Variants in GALNT13 observed in about 807,000 individuals in gnomAD.
The protein encoded by GALNT13 is UDP-GalNAc:polypeptide N-acetylgalactosaminyltransferase 13.
GALNT13 carries 28 observed loss-of-function variants against 64.2 expected under a neutral mutation model. That is an observed-to-expected ratio of 0.44 (90% CI 0.32 to 0.60). The LOEUF is 0.60. GALNT13 is among the 20% of genes least tolerant of loss of function. The probability of loss-of-function intolerance (pLI) is 0.05; values close to 1 mark genes in which losing one functional copy is unlikely to be tolerated. For synonymous variants in GALNT13, 214 were observed against 224.6 expected, an observed-to-expected ratio of 0.95 and a Z score of 0.42; for missense variants, 577 against 669.8, an observed-to-expected ratio of 0.86 and a Z score of 1.53.
intron 4 of GALNT13, among the ~76,000 whole-genome samples, chr2:154,166,385 A>G (rs141602313): frequency 1.1e-3 from 162 of 152,364 alleles, no homozygotes; most frequent in African/African-American, 3.7e-3. Flanking sequence ...AGCCTGGGCA[A>G]TGAAGTGAGA....
chr2:154,004,681 C>T (rs1424537614), intron 3 of GALNT13, among the ~76,000 whole-genome samples: 6 of 152,132 alleles, frequency 3.9e-5, no homozygotes, highest in Non-Finnish European at 8.8e-5. Context: ...CCACTAGTGT[C>T]ACAAAAATTG....
At chr2:153,070,652 G>A in the GALNT13 span, among the ~76,000 whole-genome samples, 115,787 of 152,090 alleles carry the variant, frequency 0.76, 46,163 homozygotes, top group East Asian at 0.93. Flanking sequence ...TATTAATTAT[G>A]TATCAAACAA....
the GALNT13 span, among the ~76,000 whole-genome samples, chr2:153,448,007 C>T: frequency 6.6e-6 from 1 of 152,120 alleles, no homozygotes; most frequent in South Asian, 2.1e-4. Context: ...CTGAAAGTAT[C>T]CATTGAGTTA....
chr2:153,964,270 G>A (rs1415756228), intron 3 of GALNT13, among the ~76,000 whole-genome samples: 5 of 152,058 alleles, frequency 3.3e-5, no homozygotes, highest in African/African-American at 9.7e-5. Flanking sequence ...GCAACATGGC[G>A]AAAAGCCATC....
the GALNT13 span, among the ~76,000 whole-genome samples, chr2:153,508,124 G>C: frequency 6.6e-6 from 1 of 152,170 alleles, no homozygotes; most frequent in African/African-American, 2.4e-5. Flanking sequence ...TTTTTGCTTA[G>C]TGTACTGATT....
chr2:153,469,563 G>A, the GALNT13 span, among the ~76,000 whole-genome samples: 17 of 152,194 alleles, frequency 1.1e-4, no homozygotes, highest in East Asian at 3.9e-4. Context: ...ATTTCCATGC[G>A]CATGAGAAAG....
chr2:153,253,148 C>G, the GALNT13 span, among the ~76,000 whole-genome samples: 1 of 151,232 alleles, frequency 6.6e-6, no homozygotes, highest in African/African-American at 2.4e-5. Flanking sequence ...TTTCCTTGAG[C>G]AGTGGTTTGT....
the GALNT13 span, among the ~76,000 whole-genome samples, chr2:153,107,945 A>G: frequency 6.6e-6 from 1 of 152,268 alleles, no homozygotes; most frequent in African/African-American, 2.4e-5. Context: ...TTCCAAAAGA[A>G]CACACTGTCT....
At chr2:153,540,392 G>A in the GALNT13 span, among the ~76,000 whole-genome samples, 24 of 152,230 alleles carry the variant, frequency 1.6e-4, no homozygotes, top group Admixed American at 1.6e-3. Context: ...GAAGTTTGCT[G>A]CAGGGGTGAA....
intron 3 of GALNT13, among the ~76,000 whole-genome samples, chr2:153,994,679 A>AT (rs1695399148): frequency 6.6e-6 from 1 of 152,010 alleles, no homozygotes. Context: ...GATGATGAGC[A>AT]TTTTTTGATG....
the GALNT13 span, among the ~76,000 whole-genome samples, chr2:153,072,543 T>C: frequency 6.6e-6 from 1 of 152,148 alleles, no homozygotes; most frequent in African/African-American, 2.4e-5. Context: ...CAGCTATAAA[T>C]CCTTATGCCT....
At chr2:153,296,796 A>AT in the GALNT13 span, among the ~76,000 whole-genome samples, 96 of 151,858 alleles carry the variant, frequency 6.3e-4, no homozygotes, top group Non-Finnish European at 1.1e-3. Flanking sequence ...TGGATTCTCA[A>AT]TTTTTTTTTA....
At chr2:153,972,351 A>T (rs1691415699) in intron 3 of GALNT13, among the ~76,000 whole-genome samples, 1 of 152,130 alleles carries the variant, frequency 6.6e-6, no homozygotes, top group South Asian at 2.1e-4. Flanking sequence ...CCGGATATTG[A>T]TGTGACACTA....
chr2:153,947,351 T>A (rs1162958515), intron 3 of GALNT13, among the ~76,000 whole-genome samples: 1 of 151,926 alleles, frequency 6.6e-6, no homozygotes, highest in East Asian at 1.9e-4. Flanking sequence ...GTGCGTGTAA[T>A]CATGTGCCAT....
At chr2:153,632,499 CCCTGTGCTCCA>C in the GALNT13 span, among the ~76,000 whole-genome samples, 1 of 152,042 alleles carries the variant, frequency 6.6e-6, no homozygotes, top group Non-Finnish European at 1.5e-5. Context: ...TGAAAAAATC[CCCTGTGCTCCA>C]CCTGTTCATC....
intron 4 of GALNT13, among the ~76,000 whole-genome samples, chr2:154,143,097 T>C (rs750685717): frequency 3.9e-5 from 6 of 152,018 alleles, no homozygotes; most frequent in Non-Finnish European, 7.4e-5. Context: ...AGGTGGTGGA[T>C]TGGGGGTTGG....
chr2:153,911,062 C>T (rs147391891), intron 2 of GALNT13, among the ~76,000 whole-genome samples: 8 of 152,162 alleles, frequency 5.3e-5, no homozygotes, highest in African/African-American at 1.9e-4. Flanking sequence ...TCGAAATTTC[C>T]TTGAAGGTCA....
At chr2:153,466,308 CTG>C in the GALNT13 span, among the ~76,000 whole-genome samples, 1 of 152,062 alleles carries the variant, frequency 6.6e-6, no homozygotes, top group Admixed American at 6.6e-5. Flanking sequence ...TCCCCCCTGA[CTG>C]TGTCAGTTCC....
At chr2:153,140,768 G>T in the GALNT13 span, among the ~76,000 whole-genome samples, 2 of 152,038 alleles carry the variant, frequency 1.3e-5, no homozygotes, top group Non-Finnish European at 2.9e-5. Context: ...CTTCATTTTT[G>T]CATTTTCATT....
Sources: allele counts gnomAD v4.1 joint callset (sites outside exome capture counted in the v4.1 genomes callset), GRCh38; gene constraint gnomAD v4.1.1; transcripts MANE v1.5; gene names NCBI Gene and HGNC (gene_info 2026-07-23, HGNC 2026-07-21).